The following TMEM106B variants were observed in gnomAD, a reference collection of about 807,000 sequenced individuals.
TMEM106B encodes transmembrane protein 106B.
In TMEM106B, 15 loss-of-function variants were observed where a neutral mutation model predicts 31.1. The observed-to-expected ratio is 0.48, with a 90% CI of 0.32 to 0.74. The LOEUF (loss-of-function observed/expected upper bound fraction) is 0.74, where lower values mean the gene tolerates loss of function less well. Among genes scored for constraint, TMEM106B ranks in the 30% least tolerant of loss-of-function variants. The probability of loss-of-function intolerance (pLI) is 0.03; values close to 1 mark genes in which losing one functional copy is unlikely to be tolerated. For synonymous variants in TMEM106B, 126 were observed against 112.5 expected (o/e 1.12, Z -0.76); for missense variants, 283 against 327.3 (o/e 0.86, Z 1.04).
intron 6 of TMEM106B, 133 bp downstream of exon 6, chr7:12,230,571 G>A: frequency 5.3e-6 from 3 of 571,002 alleles, no homozygotes; most frequent in Non-Finnish European, 9.0e-6. Flanking sequence ...CTGGCTTCTG[G>A]TCCTCTCTGT....
intron 1 of TMEM106B, among the ~76,000 whole-genome samples, chr7:12,213,302 AC>A (rs1362103377): frequency 6.6e-6 from 1 of 152,084 alleles, no homozygotes; most frequent in Non-Finnish European, 1.5e-5. Flanking sequence ...TGAAAAAAAA[AC>A]TGTGATTTTG....
In TMEM106B at chr7:12,238,718, G is replaced by A. The variant is rs919321088; in HGVS notation, c.*6743G>A. On this transcript the variant is annotated 3_prime_UTR_variant, in exon 8 of 8. Coordinates refer to ENST00000396668, the MANE Select transcript of TMEM106B (RefSeq NM_001134232.2). ...TTGTACATCATCAGAGCTGTTGGGT[G>A]ACCAGGTACATTGTCAATGAGTAGT... 1 of 152,158 alleles carries A rather than the reference G, an allele frequency of 6.6e-6. No homozygotes were observed. Among genetic ancestry groups the A allele is most frequent in the South Asian group, 2.1e-4 (1 of 4,826 alleles). The allele number at this position is 152,158 out of a possible 1,614,324, so 9.4% of individuals were successfully genotyped here.
At position 12,243,090 on chromosome 7, in the gene TMEM106B, G is replaced by GT. The variant is rs1338345764; in HGVS notation, c.*11121dup. 2.6e-5 allele frequency: 4 copies of GT among 151,796 alleles called. No homozygotes were observed. The highest frequency in any genetic ancestry group is 4.4e-5 in the Non-Finnish European group (3 of 67,904). The allele number at this position is 151,796 out of a possible 1,614,324, so 9.4% of individuals were successfully genotyped here. A position where few individuals can be genotyped will look rare whatever the true frequency, so the allele number is the denominator to read the frequency against. ...TTAAAAAAGCTTTAATATTTTCAAGGTTTTTTATTTATATAAATATTGTTA... is the reference window on the plus strand; with the variant it reads ...TTAAAAAAGCTTTAATATTTTCAAGGTTTTTTTATTTATATAAATATTGTTA... On this transcript the variant is annotated 3_prime_UTR_variant, in exon 8 of 8. Coordinates refer to ENST00000396668, the MANE Select transcript of TMEM106B (RefSeq NM_001134232.2).
chr7:12,212,360 G>C (rs529483338), intron 1 of TMEM106B, among the ~76,000 whole-genome samples: 211 of 152,338 alleles, frequency 1.4e-3, no homozygotes, highest in Non-Finnish European at 2.6e-3. Flanking sequence ...CAAGGTTACA[G>C]TGTGTGGGGA....
At chr7:12,217,018 G>A (rs1208710780) in intron 2 of TMEM106B, among the ~76,000 whole-genome samples, 4 of 117,610 alleles carry the variant, frequency 3.4e-5, no homozygotes, top group African/African-American at 1.5e-4. Flanking sequence ...TGTGAGGTCA[G>A]GAGAGGGATT....
intron 2 of TMEM106B, among the ~76,000 whole-genome samples, chr7:12,216,273 G>T (rs118162735): frequency 6.6e-6 from 1 of 151,978 alleles, no homozygotes; most frequent in Non-Finnish European, 1.5e-5. Context: ...TTTTTTGGCC[G>T]CCTGGATACA....
chr7:12,215,430 C>G (rs977112826), intron 2 of TMEM106B, among the ~76,000 whole-genome samples: 13 of 147,560 alleles, frequency 8.8e-5, no homozygotes, highest in African/African-American at 1.3e-4. Context: ...GAGATGAGAT[C>G]TCGCAATTGT....
rs560967013 is a variant in TMEM106B at position 12,236,682 on chromosome 7, A to G, written c.*4707A>G. The G allele has an allele frequency of 2.2e-4, 33 of 152,168 alleles. No homozygotes were observed. The highest frequency in any genetic ancestry group is 3.3e-4 in the Admixed American group (5 of 15,258). The allele number at this position is 152,168 out of a possible 1,614,324, so 9.4% of individuals were successfully genotyped here. ...AGAAACTAGAAGTCTGGGAGGTACT[A>G]TATCAGCTGTAGTTGGGTAATTCCA... is the stretch of plus-strand genomic sequence containing the variant. On this transcript the variant is annotated 3_prime_UTR_variant, in exon 8 of 8. Coordinates refer to ENST00000396668, the MANE Select transcript of TMEM106B (RefSeq NM_001134232.2).
intron 1 of TMEM106B, among the ~76,000 whole-genome samples, chr7:12,213,903 G>C (rs1781630589): frequency 6.6e-6 from 1 of 152,174 alleles, no homozygotes; most frequent in Non-Finnish European, 1.5e-5. Context: ...TTCAGGCCAT[G>C]ATGAAAAGGT....
rs1192811673 is a variant in TMEM106B at position 12,238,916 on chromosome 7, C to T, written c.*6941C>T. Reference sequence around the variant, plus strand: ...TAGGATTTTCAGGATGGCAAATGAGCATTGGCTTCAACTTAAAGTCACCAG... The same window carrying T: ...TAGGATTTTCAGGATGGCAAATGAGTATTGGCTTCAACTTAAAGTCACCAG... On this transcript the variant is annotated 3_prime_UTR_variant, in exon 8 of 8. Coordinates refer to ENST00000396668, the MANE Select transcript of TMEM106B (RefSeq NM_001134232.2). 1 of 152,098 alleles carries T rather than the reference C, an allele frequency of 6.6e-6. No individual in the cohort carries two copies. The highest frequency in any genetic ancestry group is 2.4e-5 in the African/African-American group (1 of 41,416). 9.4% of individuals were successfully genotyped at this position (152,098 alleles called of 1,614,324 possible).
intron 3 of TMEM106B, among the ~76,000 whole-genome samples, chr7:12,220,410 C>A (rs1480477386): frequency 1.3e-5 from 2 of 152,128 alleles, no homozygotes; most frequent in East Asian, 3.8e-4. Flanking sequence ...AATATCCTTA[C>A]TCTATAAAGA....
At chr7:12,219,436 C>A (rs1434406919) in intron 3 of TMEM106B, among the ~76,000 whole-genome samples, 3 of 152,138 alleles carry the variant, frequency 2.0e-5, no homozygotes, top group African/African-American at 7.2e-5. Flanking sequence ...TTCATTTAAA[C>A]ATGAGCACCT....
At position 12,241,157 on chromosome 7, in the gene TMEM106B, A is replaced by C. The variant is rs375941064; in HGVS notation, c.*9182A>C. 2 of 152,338 alleles carry C rather than the reference A, an allele frequency of 1.3e-5. No homozygotes were observed. The allele number at this position is 152,338 out of a possible 1,614,324, so 9.4% of individuals were successfully genotyped here. A position where few individuals can be genotyped will look rare whatever the true frequency, so the allele number is the denominator to read the frequency against. On this transcript the variant is annotated 3_prime_UTR_variant, in exon 8 of 8. Coordinates refer to ENST00000396668, the MANE Select transcript of TMEM106B (RefSeq NM_001134232.2). ...TTTTCATTTCATGAATTTCAGATTC[A>C]TGAATGGAATATATTGATAATAGCA... is the stretch of plus-strand genomic sequence containing the variant.
chr7:12,227,137 G>A (rs1244369700), intron 4 of TMEM106B, among the ~76,000 whole-genome samples: 2 of 151,978 alleles, frequency 1.3e-5, no homozygotes, highest in African/African-American at 4.8e-5. Context: ...GAGACAGACT[G>A]AACATTAAAT....
intron 1 of TMEM106B, among the ~76,000 whole-genome samples, chr7:12,212,127 C>G (rs539012774): frequency 1.3e-5 from 2 of 152,306 alleles, no homozygotes; most frequent in East Asian, 3.9e-4. Context: ...AAACACCTAC[C>G]CTAAAGCAGA....
chr7:12,226,013 A>G (rs902891894), intron 4 of TMEM106B, among the ~76,000 whole-genome samples: 1 of 152,118 alleles, frequency 6.6e-6, no homozygotes, highest in Admixed American at 6.6e-5. Context: ...TAGGTCTAAC[A>G]TTTAAGTCTT....
At position 12,218,877 on chromosome 7, in the gene TMEM106B, A is replaced by G. The variant is rs189148503; in HGVS notation, c.281+356A>G. The stretch of plus-strand genomic sequence containing the variant: ...AAACATGGTGACAGCAGGGACCCCA[A>G]CGGCCTTAGCAGCTGTGTGGAGGTT... On this transcript the variant is annotated intron_variant, in intron 3 of 7. Coordinates refer to ENST00000396668, the MANE Select transcript of TMEM106B (RefSeq NM_001134232.2). 4.6e-5 allele frequency among the ~76,000 whole-genome samples: 7 copies of G among 152,274 alleles called. 1 individual carries two copies. The highest frequency in any genetic ancestry group is 1.4e-4 in the African/African-American group (6 of 41,562).
rs183807076 is a variant in TMEM106B, at chr7:12,232,165, C to A, written c.*190C>A. ...ACTCTGTGTTAATGATATATTTGTA[C>A]TAGGATCTTTTACTTGAATCTAAAT... is the stretch of plus-strand genomic sequence containing the variant. On this transcript the variant is annotated 3_prime_UTR_variant, in exon 8 of 8. Coordinates refer to ENST00000396668, the MANE Select transcript of TMEM106B (RefSeq NM_001134232.2). 1.0e-4 allele frequency: 43 copies of A among 431,368 alleles called. No individual in the cohort carries two copies. The highest frequency in any genetic ancestry group is 4.5e-4 in the African/African-American group (23 of 50,812). 26.7% of individuals were successfully genotyped at this position (431,368 alleles called of 1,614,324 possible). A position where few individuals can be genotyped will look rare whatever the true frequency, so the allele number is the denominator to read the frequency against.
In TMEM106B at chr7:12,229,823, A is replaced by C; in HGVS notation, c.582+4A>C. On this transcript the variant is annotated splice_donor_region_variant and intron_variant, in intron 5 of 7. Transcript: ENST00000396668. ...TGGTCCACTTGATATGAAACAAGTA[A>C]GAATCAATCATGAAATACTTTGTAA... is the stretch of plus-strand genomic sequence containing the variant. 1 of 1,597,584 alleles carries C rather than the reference A, an allele frequency of 6.3e-7. No individual in the cohort carries two copies. Among genetic ancestry groups the C allele is most frequent in the Non-Finnish European group, 8.5e-7 (1 of 1,173,922 alleles).
Sources: gnomAD v4.1 joint callset for allele counts (sites outside exome capture counted in the v4.1 genomes callset) on GRCh38, gnomAD v4.1.1 for gene constraint, MANE v1.5 for transcripts, NCBI Gene and HGNC (gene_info 2026-07-23, HGNC 2026-07-21) for gene names.